COL4A3: variants seen among roughly 807,000 people sequenced by gnomAD.
COL4A3 encodes the protein collagen alpha-3(IV) chain.
In COL4A3, 135 loss-of-function variants were observed where a neutral mutation model predicts 217.4. That is an observed-to-expected ratio of 0.62 (90% CI 0.54 to 0.72). The LOEUF is 0.72. Ranked by LOEUF, COL4A3 falls within the 30% of genes least tolerant of loss-of-function variation. COL4A3 has a pLI of 0.00. For synonymous variants in COL4A3, 690 were observed against 736.3 expected (o/e 0.94, Z 1.02); for missense variants, 1,868 against 2,119.9 (o/e 0.88, Z 2.33).
Position 227,307,692 on chromosome 2 carries a change from A to C in COL4A3, c.4253-18A>C, listed in dbSNP as rs113096616. ...GATTTTTGTGTATGTTGCAACATTTAGAATGTGTTTTTTGAAGGACCAGCT... is the reference window on the plus strand; with the variant it reads ...GATTTTTGTGTATGTTGCAACATTTCGAATGTGTTTTTTGAAGGACCAGCT... On this transcript the variant is annotated intron_variant, in intron 47 of 51. Coordinates refer to ENST00000396578, the MANE Select transcript of COL4A3 (RefSeq NM_000091.5). The C allele has an allele frequency of 6.2e-7, 1 of 1,609,370 alleles. No individual in the cohort carries two copies. Among genetic ancestry groups the C allele is most frequent in the African/African-American group, 1.3e-5 (1 of 74,962 alleles).
At chr2:227,293,080 C>G (rs1033305303) in intron 37 of COL4A3, 111 bp from the exon 38 acceptor site, 2 of 1,404,888 alleles carry the variant, frequency 1.4e-6, no homozygotes, top group African/African-American at 2.9e-5. Flanking sequence ...ATAGCAGATA[C>G]TAATATGAAT....
intron 1 of COL4A3, among the ~76,000 whole-genome samples, chr2:227,165,037 G>A (rs1335552948): frequency 1.3e-5 from 2 of 152,206 alleles, no homozygotes; most frequent in Non-Finnish European, 2.9e-5. Flanking sequence ...GAAGAGGCGA[G>A]GAGGGGGCTT....
In COL4A3 at chr2:227,311,989, A is replaced by T; in HGVS notation, c.*119A>T. 6.0e-6 allele frequency: 9 copies of T among 1,508,974 alleles called. No homozygotes were observed. The highest frequency in any genetic ancestry group is 8.1e-6 in the Non-Finnish European group (9 of 1,115,328). The allele number at this position is 1,508,974 out of a possible 1,614,324, so 93.5% of individuals were successfully genotyped here. A position where few individuals can be genotyped will look rare whatever the true frequency, so the allele number is the denominator to read the frequency against. ...CAATATTGCTCCATGATGACTTAGT[A>T]CAAAGTTTCAATTTGTTTCCCCACA... is the stretch of plus-strand genomic sequence containing the variant. On this transcript the variant is annotated 3_prime_UTR_variant, in exon 52 of 52. Transcript: ENST00000396578.
At chr2:227,172,495 T>TCTC (rs925079957) in intron 1 of COL4A3, among the ~76,000 whole-genome samples, 18 of 151,478 alleles carry the variant, frequency 1.2e-4, no homozygotes, top group African/African-American at 4.1e-4. Context: ...TCTGGTTTCT[T>TCTC]CTTCTCCTTC....
intron 1 of COL4A3, among the ~76,000 whole-genome samples, chr2:227,203,885 C>G (rs908807391): frequency 6.6e-6 from 1 of 151,788 alleles, no homozygotes; most frequent in Non-Finnish European, 1.5e-5. Flanking sequence ...CAAGCCCATT[C>G]CCCTAAAATA....
intron 1 of COL4A3, among the ~76,000 whole-genome samples, chr2:227,215,479 C>T (rs1263121898): frequency 6.6e-6 from 1 of 151,996 alleles, no homozygotes; most frequent in Non-Finnish European, 1.5e-5. Context: ...TTTGTTTTTG[C>T]ACAGAGTCTC....
rs1289827238 is a variant in COL4A3 at position 227,281,013 on chromosome 2, G to A, written c.2488+7G>A. The A allele has an allele frequency of 1.9e-6, 3 of 1,544,324 alleles. No individual in the cohort carries two copies. Among genetic ancestry groups the A allele is most frequent in the Non-Finnish European group, 2.6e-6 (3 of 1,139,264 alleles). On this transcript the variant is annotated splice_region_variant and intron_variant, in intron 31 of 51. Coordinates refer to ENST00000396578, the MANE Select transcript of COL4A3 (RefSeq NM_000091.5). ...GGATTGAAAGGGCAACAAGGTAGGA[G>A]GAGGGCCTCAAAACTGGCCACCAGA... is the stretch of plus-strand genomic sequence containing the variant.
Position 227,280,425 on chromosome 2 carries a change from A to T in COL4A3, c.2224-15A>T, listed in dbSNP as rs1384422143. 1 of 1,613,814 alleles carries T rather than the reference A, an allele frequency of 6.2e-7. No homozygotes were observed. The highest frequency in any genetic ancestry group is 8.5e-7 in the Non-Finnish European group (1 of 1,179,956). ...GGAAGCACTATATAGTAATAACACA[A>T]TTTCTATGCTGTAGGGAGAACCAGC... On this transcript the variant is annotated splice_polypyrimidine_tract_variant and intron_variant, in intron 29 of 51. Transcript: ENST00000396578.
intron 34 of COL4A3, among the ~76,000 whole-genome samples, chr2:227,285,280 A>G (rs1002018375): frequency 6.8e-6 from 1 of 147,444 alleles, no homozygotes; most frequent in African/African-American, 2.5e-5. Context: ...CCAAACCTAA[A>G]AAAAAAAAAA....
At chr2:227,260,448 G>A (rs2070482071) in intron 19 of COL4A3, among the ~76,000 whole-genome samples, 1 of 152,182 alleles carries the variant, frequency 6.6e-6, no homozygotes, top group Admixed American at 6.5e-5. Flanking sequence ...TTGTCTGGAG[G>A]AGGGCTCTGG....
intron 2 of COL4A3, among the ~76,000 whole-genome samples, chr2:227,238,640 C>T (rs568306710): frequency 6.6e-6 from 1 of 152,260 alleles, no homozygotes; most frequent in East Asian, 1.9e-4. Context: ...CAAACCCTTT[C>T]CTCAGAGACA....
At chr2:227,289,916 A>G (rs1157945711) in intron 35 of COL4A3, 83 bp from the exon 36 acceptor site, 1 of 1,352,204 alleles carries the variant, frequency 7.4e-7, no homozygotes, top group East Asian at 2.4e-5. Flanking sequence ...GCATTCATTC[A>G]TGCATGCAAG....
chr2:227,199,437 A>G (rs1242291369), intron 1 of COL4A3, among the ~76,000 whole-genome samples: 1 of 152,206 alleles, frequency 6.6e-6, no homozygotes, highest in Non-Finnish European at 1.5e-5. Flanking sequence ...CAGGTAATCA[A>G]TGCCCTGTTG....
At chr2:227,174,565 G>C (rs1410978701) in intron 1 of COL4A3, among the ~76,000 whole-genome samples, 3 of 152,030 alleles carry the variant, frequency 2.0e-5, no homozygotes, top group African/African-American at 7.2e-5. Flanking sequence ...GGAGTGCAGT[G>C]GCGCAATCTC....
At chr2:227,272,910 G>A in intron 25 of COL4A3, 39 bp from the exon 26 acceptor site, 3 of 1,605,348 alleles carry the variant, frequency 1.9e-6, no homozygotes, top group African/African-American at 1.3e-5. Flanking sequence ...AGAATATACT[G>A]GAATGAAGCA....
rs769170197 is a variant in COL4A3, at chr2:227,164,755, A to G, written c.29A>G (p.Gln10Arg). ...AGCGCCCGGACCGCCCCCAGGCCGCAGGTGCTCCTGCTGCCGCTCCTGCTG... is the reference window on the plus strand; with the variant it reads ...AGCGCCCGGACCGCCCCCAGGCCGCGGGTGCTCCTGCTGCCGCTCCTGCTG... MSARTAPRPQVLLLPLLLVL... is the reference protein window; with the variant it reads MSARTAPRPRVLLLPLLLVL... The change falls in exon 1 of 52, where the codon CAG becomes CGG. Residue 10 changes from glutamine (Q) to arginine (R), a missense_variant. Around this residue, in one of 2 missense-constraint regions of COL4A3, gnomAD observed 365 missense variants for 333.8 expected, o/e 1.09. Transcript: ENST00000396578. This position sits in a 1 kb window ranked among gnomAD's most constrained non-coding sequence, Gnocchi z 4.8. 6.6e-6 allele frequency: 10 copies of G among 1,525,870 alleles called. No individual in the cohort carries two copies. In the South Asian group the frequency reaches 1.1e-4, roughly 16 times the overall value. 94.5% of individuals were successfully genotyped at this position (1,525,870 alleles called of 1,614,324 possible).
At position 227,191,663 on chromosome 2, in the gene COL4A3, T is replaced by C. The variant is rs192975511; in HGVS notation, c.87+26850T>C. ...CAGATGTAGCTGAAGTTTTACATTA[T>C]GGCCTGCAAGAAACTTTATTCTAAT... is the stretch of plus-strand genomic sequence containing the variant. On this transcript the variant is annotated intron_variant, in intron 1 of 51. Coordinates refer to ENST00000396578, the MANE Select transcript of COL4A3 (RefSeq NM_000091.5). The surrounding 1 kb of genome is among the most constrained non-coding windows in gnomAD (Gnocchi z 6.8). Among the ~76,000 whole-genome samples, 2 of 152,350 alleles carry C rather than the reference T, an allele frequency of 1.3e-5. No individual in the cohort carries two copies. The highest frequency in any genetic ancestry group is 6.5e-5 in the Admixed American group (1 of 15,300).
chr2:227,184,583 A>G (rs979477723), intron 1 of COL4A3, among the ~76,000 whole-genome samples: 3 of 152,194 alleles, frequency 2.0e-5, no homozygotes, highest in African/African-American at 7.2e-5. Flanking sequence ...ATTCACTTCC[A>G]AGTCTTTCTT....
chr2:227,202,744 AAAATATATATATAT>A (rs2066750213), intron 1 of COL4A3, among the ~76,000 whole-genome samples: 2 of 66,832 alleles, frequency 3.0e-5, no homozygotes, highest in South Asian at 4.1e-4. Flanking sequence ...CTAAAAAAAA[AAAATATATATATAT>A]ATATATATAT....
Sources: allele counts gnomAD v4.1 joint callset (sites outside exome capture counted in the v4.1 genomes callset), GRCh38; gene constraint gnomAD v4.1.1; regional missense constraint gnomAD v4.1.1; non-coding constraint Gnocchi (gnomAD v3.1); transcripts MANE v1.5; gene names NCBI Gene and HGNC (gene_info 2026-07-23, HGNC 2026-07-21).